Variants in XKR4 observed in about 807,000 individuals in gnomAD.
The protein encoded by XKR4 is XK-related protein 4.
XKR4 carries 12 observed loss-of-function variants against 53.9 expected under a neutral mutation model. That is an observed-to-expected ratio of 0.22 (90% confidence interval 0.14 to 0.36). The LOEUF is 0.36. Among genes scored for constraint, XKR4 ranks in the 10% least tolerant of loss-of-function variants. The pLI is 1.00. For missense variants in XKR4, 799 were observed against 859.5 expected (o/e 0.93, Z 0.88); for synonymous variants, 354 against 362.4 (o/e 0.98, Z 0.26).
intron 1 of XKR4, among the ~76,000 whole-genome samples, chr8:55,172,367 C>A (rs957667700): frequency 6.6e-6 from 1 of 152,086 alleles, no homozygotes; most frequent in African/African-American, 2.4e-5. Context: ...AAAAATCCAT[C>A]CAGTGTGAAA....
chr8:55,393,402 A>AGAAGGAAGGAAG (rs36208673), intron 2 of XKR4, among the ~76,000 whole-genome samples: 312 of 144,936 alleles, frequency 2.2e-3, no homozygotes, highest in Admixed American at 3.6e-3. Context: ...ATACTTCTTA[A>AGAAGGAAGGAAG]GAAGGAAGGA....
Position 55,263,909 on chromosome 8 carries a change from T to C in XKR4, c.807-93769T>C, listed in dbSNP as rs117990997. On this transcript the variant is annotated intron_variant, in intron 1 of 2. Coordinates refer to ENST00000327381, the MANE Select transcript of XKR4 (RefSeq NM_052898.2). Reference sequence around the variant, plus strand: ...TTAGGGCCACTTCTCATTCTCTTGATTGAAATTAGGAAAATGGTCATTGCA... The same window carrying C: ...TTAGGGCCACTTCTCATTCTCTTGACTGAAATTAGGAAAATGGTCATTGCA... Among the ~76,000 whole-genome samples the C allele has an allele frequency of 2.4e-4, 36 of 152,282 alleles. No homozygotes were observed. In the East Asian group the frequency reaches 5.6e-3, roughly 24 times the overall value.
chr8:55,233,277 C>A (rs993462747), intron 1 of XKR4, among the ~76,000 whole-genome samples: 1 of 152,210 alleles, frequency 6.6e-6, no homozygotes, highest in Admixed American at 6.5e-5. Context: ...CAGTTTTCTA[C>A]AATGAATAAA....
intron 1 of XKR4, among the ~76,000 whole-genome samples, chr8:55,126,016 C>T (rs1028279283): frequency 2.6e-5 from 4 of 151,952 alleles, no homozygotes; most frequent in African/African-American, 9.7e-5. Flanking sequence ...TTTTTATGAG[C>T]AGTTATTATA....
At chr8:55,176,384 G>A (rs1055170169) in intron 1 of XKR4, among the ~76,000 whole-genome samples, 1 of 152,232 alleles carries the variant, frequency 6.6e-6, no homozygotes, top group African/African-American at 2.4e-5. Flanking sequence ...CCAGAGACAT[G>A]TTGAAAGGTA....
intron 1 of XKR4, among the ~76,000 whole-genome samples, chr8:55,186,378 G>C (rs541631649): frequency 6.6e-6 from 1 of 152,122 alleles, no homozygotes; most frequent in Non-Finnish European, 1.5e-5. Flanking sequence ...AATAGAGGCC[G>C]GGCGCTGTGG....
At chr8:55,161,501 C>A in intron 1 of XKR4, 1 of 455,426 alleles carries the variant, frequency 2.2e-6, no homozygotes, top group Non-Finnish European at 4.4e-6. Flanking sequence ...TAGCCACCAT[C>A]TGAAAAAACA....
intron 2 of XKR4, among the ~76,000 whole-genome samples, chr8:55,395,300 C>A (rs748759837): frequency 6.6e-6 from 1 of 151,884 alleles, no homozygotes; most frequent in Non-Finnish European, 1.5e-5. Flanking sequence ...TTGATTGGAT[C>A]GGGGCTCACG....
chr8:55,419,075 G>A (rs1000358907), intron 2 of XKR4, among the ~76,000 whole-genome samples: 4 of 151,938 alleles, frequency 2.6e-5, no homozygotes, highest in African/African-American at 9.7e-5. Flanking sequence ...TTCCAGCCTC[G>A]AATAAAGAGC....
chr8:55,472,268 C>T (rs145610731), intron 2 of XKR4, among the ~76,000 whole-genome samples: 373 of 152,162 alleles, frequency 2.5e-3, no homozygotes, highest in Non-Finnish European at 4.9e-3. Context: ...AAATGATAAT[C>T]ATCTGTGTGT....
rs1025503902 is a variant in XKR4 at position 55,343,909 on chromosome 8, G to T, written c.807-13769G>T. Among the ~76,000 whole-genome samples the T allele has an allele frequency of 3.9e-5, 6 of 152,140 alleles. No individual in the cohort carries two copies. The South Asian group carries it at 1.2e-3, about 31-fold the overall frequency. On this transcript the variant is annotated intron_variant, in intron 1 of 2. Transcript: ENST00000327381. ...GCACAATAACACACTGCCTTAAAAA[G>T]AACACAAAATGATTGCATTTGGACC...
At chr8:55,339,463 G>A (rs1211795703) in intron 1 of XKR4, among the ~76,000 whole-genome samples, 3 of 152,238 alleles carry the variant, frequency 2.0e-5, no homozygotes, top group South Asian at 4.1e-4. Flanking sequence ...TGTTCATTCC[G>A]GAAAGCTGAC....
At chr8:55,446,143 CGT>C (rs1354981533) in intron 2 of XKR4, among the ~76,000 whole-genome samples, 68 of 146,876 alleles carry the variant, frequency 4.6e-4, no homozygotes, top group Non-Finnish European at 7.3e-4. Flanking sequence ...GAAACTATAG[CGT>C]TATTCCCAGG....
intron 1 of XKR4, among the ~76,000 whole-genome samples, chr8:55,275,285 T>C (rs1818748206): frequency 6.6e-6 from 1 of 152,304 alleles, no homozygotes; most frequent in African/African-American, 2.4e-5. Flanking sequence ...TTATATCCTA[T>C]TGTTACAGAA....
At chr8:55,385,886 A>C (rs1056023760) in intron 2 of XKR4, among the ~76,000 whole-genome samples, 1 of 152,226 alleles carries the variant, frequency 6.6e-6, no homozygotes. Context: ...TTAAAGTGAT[A>C]GGAATAAAAA....
intron 2 of XKR4, chr8:55,453,789 G>T (rs907246958): frequency 2.3e-6 from 1 of 431,622 alleles, no homozygotes; most frequent in Non-Finnish European, 4.5e-6. Flanking sequence ...TGGATGTGAT[G>T]CAGGACTCAT....
intron 1 of XKR4, among the ~76,000 whole-genome samples, chr8:55,277,985 G>A (rs930828363): frequency 1.3e-5 from 2 of 152,152 alleles, no homozygotes; most frequent in Admixed American, 6.5e-5. Flanking sequence ...AATTATTAAT[G>A]CAGGAGTCCT....
intron 1 of XKR4, among the ~76,000 whole-genome samples, chr8:55,304,325 C>T (rs1441857101): frequency 1.3e-5 from 2 of 152,114 alleles, no homozygotes; most frequent in Non-Finnish European, 2.9e-5. Flanking sequence ...GTTTCTTAAT[C>T]CTGAGTTCTA....
At chr8:55,460,750 A>G (rs1184263156) in intron 2 of XKR4, among the ~76,000 whole-genome samples, 1 of 152,174 alleles carries the variant, frequency 6.6e-6, no homozygotes, top group Non-Finnish European at 1.5e-5. Context: ...GGGGTGACAG[A>G]TGGCACCTGG....
Sources: gnomAD v4.1 joint callset for allele counts (sites outside exome capture counted in the v4.1 genomes callset) on GRCh38, gnomAD v4.1.1 for gene constraint, MANE v1.5 for transcripts, NCBI Gene and HGNC (gene_info 2026-07-23, HGNC 2026-07-21) for gene names.